The following PCDHA11 variants were observed in gnomAD, a reference collection of about 807,000 sequenced individuals.
The protein encoded by PCDHA11 is protocadherin alpha 11, also known as protocadherin alpha-11.
Under a neutral mutation model 70.3 loss-of-function variants are expected in PCDHA11, and 61 were observed. The ratio of observed to expected loss-of-function variants is 0.87; its 90% CI spans 0.71 to 1.07. The LOEUF is 1.07. Among genes scored for constraint, PCDHA11 ranks in the 50% least tolerant of loss-of-function variants. The pLI is 0.00. For synonymous variants in PCDHA11, 633 were observed against 555.1 expected, an observed-to-expected ratio of 1.14 and a Z score of -1.97; for missense variants, 1,324 against 1,237.5, an observed-to-expected ratio of 1.07 and a Z score of -1.05.
At chr5:140,928,666 T>C in intron 1 of PCDHA11, 8 of 1,614,212 alleles carry the variant, frequency 5.0e-6, no homozygotes, top group Non-Finnish European at 6.8e-6. Context: ...TGACAGTGGT[T>C]CTAATGCCTG....
chr5:140,992,485 A>T (rs1234957114), intron 3 of PCDHA11, among the ~76,000 whole-genome samples: 1 of 152,208 alleles, frequency 6.6e-6, no homozygotes, highest in Non-Finnish European at 1.5e-5. Flanking sequence ...CCCAGAGGCC[A>T]ATCTGTAAGG....
chr5:140,883,313 G>T, intron 1 of PCDHA11: 1 of 1,614,118 alleles, frequency 6.2e-7, no homozygotes, highest in Non-Finnish European at 8.5e-7. Context: ...TAACGCCCCA[G>T]AGGTTACCAT....
intron 1 of PCDHA11, among the ~76,000 whole-genome samples, chr5:140,915,626 G>GTCTCTCTCTCTCTCTC (rs57920489): frequency 1.4e-5 from 2 of 146,436 alleles, no homozygotes; most frequent in African/African-American, 2.5e-5. Context: ...GTCTCTTTCT[G>GTCTCTCTCTCTCTCTC]TCTCTCTCTC....
intron 1 of PCDHA11, among the ~76,000 whole-genome samples, chr5:140,917,324 C>CGGGG (rs1299895515): frequency 3.9e-5 from 3 of 76,180 alleles, no homozygotes; most frequent in African/African-American, 8.6e-5. Context: ...GTTCATGTGG[C>CGGGG]GGGGGAGGGG....
chr5:140,896,959 T>C (rs1486927062), intron 1 of PCDHA11, among the ~76,000 whole-genome samples: 1 of 152,204 alleles, frequency 6.6e-6, no homozygotes, highest in Non-Finnish European at 1.5e-5. Context: ...CCTTAAACAT[T>C]TATTCTTTGC....
chr5:140,884,762 A>C, intron 1 of PCDHA11: 1 of 1,423,132 alleles, frequency 7.0e-7, no homozygotes, highest in Non-Finnish European at 9.2e-7. Flanking sequence ...ATTATTCTTT[A>C]CTTTAATTTT....
chr5:140,927,421 G>A, intron 1 of PCDHA11: 2 of 1,614,208 alleles, frequency 1.2e-6, no homozygotes, highest in South Asian at 1.1e-5. Flanking sequence ...GGGATCGCGG[G>A]TTGACGGCAG....
chr5:140,985,841 G>A (rs2097174040), intron 3 of PCDHA11, among the ~76,000 whole-genome samples: 1 of 145,238 alleles, frequency 6.9e-6, no homozygotes, highest in Admixed American at 7.3e-5. Context: ...CCGGGTTCAT[G>A]CCACTCTCCT....
chr5:140,974,440 C>T (rs782138345), intron 1 of PCDHA11, among the ~76,000 whole-genome samples: 7 of 152,182 alleles, frequency 4.6e-5, no homozygotes, highest in Admixed American at 1.3e-4. Context: ...TGTAAATTAG[C>T]ATTTTAAATG....
intron 3 of PCDHA11, among the ~76,000 whole-genome samples, chr5:140,984,456 C>T (rs545706582): frequency 8.5e-5 from 13 of 152,286 alleles, no homozygotes; most frequent in African/African-American, 3.1e-4. Context: ...TTCTTACTGT[C>T]CCAGCCCCTC....
chr5:140,891,977 A>G (rs2063334150), intron 1 of PCDHA11, among the ~76,000 whole-genome samples: 1 of 152,206 alleles, frequency 6.6e-6, no homozygotes, highest in Non-Finnish European at 1.5e-5. Flanking sequence ...TTCCGTTCTC[A>G]TAAATTACTC....
chr5:140,970,527 ATG>A (rs1270257257), intron 1 of PCDHA11, among the ~76,000 whole-genome samples: 2 of 151,436 alleles, frequency 1.3e-5, no homozygotes, highest in African/African-American at 4.9e-5. Context: ...GTAGATGAAT[ATG>A]TGTGTGTGTT....
In PCDHA11 at chr5:140,913,731, A is replaced by G. The variant is rs557158674; in HGVS notation, c.2391+42237A>G. ...CAATTACAGCTACAAATTTCCCTCT[A>G]ATAGTACTCCTTTTGTTGTATCTCA... On this transcript the variant is annotated intron_variant, in intron 1 of 3. Transcript: ENST00000398640. Among the ~76,000 whole-genome samples the G allele has an allele frequency of 1.8e-4, 27 of 152,194 alleles. No homozygotes were observed. The South Asian group carries it at 2.5e-3, about 14-fold the overall frequency.
intron 1 of PCDHA11, among the ~76,000 whole-genome samples, chr5:140,917,068 GAGTTTAATGTAAAGTTCCCC>G (rs1192645655): frequency 1.3e-5 from 2 of 152,066 alleles, no homozygotes; most frequent in Non-Finnish European, 2.9e-5. Context: ...CGACAGCACC[GAGTTTAATGTAAAGTTCCCC>G]AGTTGCTGTG....
In PCDHA11 at chr5:140,869,658, T is replaced by C. The variant is rs370211026; in HGVS notation, c.555T>C (p.Asn185=). 1.2e-5 allele frequency: 19 copies of C among 1,613,432 alleles called. No homozygotes were observed. The African/African-American group carries it at 2.1e-4, about 18-fold the overall frequency. ...ATTTTTCTTTAGATTCACCAACAAATGGTAAGCAGATTAAAAGACTGTCAC... is the reference window on the plus strand; with the variant it reads ...ATTTTTCTTTAGATTCACCAACAAACGGTAAGCAGATTAAAAGACTGTCAC... ...NEYFSLDSPT[N]GKQIKRLSLI... is the part of the protein sequence containing the mutation. Residue 185 remains asparagine, a synonymous_variant, in exon 1 of 4, where the codon AAT becomes AAC. Coordinates refer to ENST00000398640, the MANE Select transcript of PCDHA11 (RefSeq NM_018902.5).
At chr5:140,923,264 C>T (rs2081280629) in intron 1 of PCDHA11, among the ~76,000 whole-genome samples, 1 of 152,170 alleles carries the variant, frequency 6.6e-6, no homozygotes, top group Admixed American at 6.5e-5. Flanking sequence ...CATAGTGAGA[C>T]CTTGTCTCTA....
chr5:140,941,639 TC>T (rs2093135030), intron 1 of PCDHA11, among the ~76,000 whole-genome samples: 1 of 152,044 alleles, frequency 6.6e-6, no homozygotes, highest in Non-Finnish European at 1.5e-5. Context: ...ATTTCTGTCT[TC>T]CTACAACTTA....
chr5:141,003,648 G>A lies in PCDHA11; in HGVS notation c.2540-5979G>A, dbSNP rs1314983871. On this transcript the variant is annotated intron_variant, in intron 3 of 3. Transcript: ENST00000398640. ...GTTTTTAAAGTAGAAGTGAAGATCTGTATGCATTTATTAAAATATATGTTG... is the reference window on the plus strand; with the variant it reads ...GTTTTTAAAGTAGAAGTGAAGATCTATATGCATTTATTAAAATATATGTTG... Among the ~76,000 whole-genome samples the A allele has an allele frequency of 3.3e-5, 5 of 152,226 alleles. No individual in the cohort carries two copies. In the South Asian group the frequency reaches 6.2e-4, roughly 19 times the overall value.
At chr5:140,903,500 G>A (rs553764100) in intron 1 of PCDHA11, among the ~76,000 whole-genome samples, 1 of 152,184 alleles carries the variant, frequency 6.6e-6, no homozygotes, top group African/African-American at 2.4e-5. Flanking sequence ...AGGTACCATA[G>A]ATAATAGTTC....
Sources: gnomAD v4.1 joint callset for allele counts (sites outside exome capture counted in the v4.1 genomes callset) on GRCh38, gnomAD v4.1.1 for gene constraint, MANE v1.5 for transcripts, NCBI Gene and HGNC (gene_info 2026-07-23, HGNC 2026-07-21) for gene names.